Variants in PABPC1 observed in about 807,000 individuals in gnomAD.
PABPC1 encodes poly(A) binding protein cytoplasmic 1.
Under a neutral mutation model 74.0 loss-of-function variants are expected in PABPC1, and 4 were observed. That is an observed-to-expected ratio of 0.05 (90% CI 0.03 to 0.12). PABPC1 has a LOEUF of 0.12. Ranked by LOEUF, PABPC1 falls within the 10% of genes least tolerant of loss-of-function variation. PABPC1 has a pLI of 1.00. For missense variants in PABPC1, 271 were observed against 821.1 expected (o/e 0.33, Z 8.19); for synonymous variants, 227 against 264.1 (o/e 0.86, Z 1.36).
chr8:100,715,148 CACACACACACAT>C (rs747777387), intron 4 of PABPC1, among the ~76,000 whole-genome samples: 1,244 of 86,164 alleles, frequency 0.014, 8 homozygotes, highest in Middle Eastern at 0.046. Flanking sequence ...CACACACACA[CACACACACACAT>C]ATATATCTCC....
chr8:100,714,091 T>G (rs1810600981), intron 4 of PABPC1, among the ~76,000 whole-genome samples: 1 of 152,198 alleles, frequency 6.6e-6, no homozygotes, highest in Admixed American at 6.5e-5. Flanking sequence ...CACATTTGAT[T>G]ACAGAAATTT....
At chr8:100,715,371 A>G in intron 4 of PABPC1, 91 bp downstream of exon 4, 1 of 1,163,712 alleles carries the variant, frequency 8.6e-7, no homozygotes, top group Non-Finnish European at 1.2e-6. Context: ...GTCTAATTTT[A>G]TTGACTTTTT....
intron 4 of PABPC1, among the ~76,000 whole-genome samples, chr8:100,713,630 C>T (rs1365584318): frequency 6.6e-6 from 1 of 152,164 alleles, no homozygotes; most frequent in African/African-American, 2.4e-5. Flanking sequence ...TCTGGGACTA[C>T]TGGCCCACAT....
At chr8:100,710,180 C>T (rs891693058) in intron 7 of PABPC1, among the ~76,000 whole-genome samples, 9 of 152,072 alleles carry the variant, frequency 5.9e-5, no homozygotes, top group Admixed American at 3.9e-4. Flanking sequence ...TCTTACAATA[C>T]CCACATCTTA....
intron 1 of PABPC1, among the ~76,000 whole-genome samples, chr8:100,720,867 C>T (rs975106064): frequency 6.6e-6 from 1 of 152,202 alleles, no homozygotes; most frequent in Non-Finnish European, 1.5e-5. Flanking sequence ...GGCCTGGTGG[C>T]TCCCCCAGGC....
rs1810282417 is a variant in PABPC1, at chr8:100,703,028, C to T, written c.*333G>A. 1.3e-5 allele frequency: 2 copies of T among 157,408 alleles called. No individual in the cohort carries two copies. The highest frequency in any genetic ancestry group is 2.9e-5 in the Non-Finnish European group (2 of 68,090). 9.8% of individuals were successfully genotyped at this position (157,408 alleles called of 1,614,324 possible). On this transcript the variant is annotated 3_prime_UTR_variant, in exon 15 of 15. Coordinates refer to ENST00000318607, the MANE Select transcript of PABPC1 (RefSeq NM_002568.4). ...AGAACTGACATTCTGAGCTATTCCA[C>T]AGTAAAGAATTACAAAATTAAAGAA...
Position 100,705,050 on chromosome 8 carries a change from C to T in PABPC1, c.1694G>A (p.Arg565Gln), listed in dbSNP as rs775589884. 1.9e-6 allele frequency: 3 copies of T among 1,612,850 alleles called. No homozygotes were observed. Among genetic ancestry groups the T allele is most frequent in the African/African-American group, 1.3e-5 (1 of 74,832 alleles). The change falls in exon 13 of 15, where the codon CGG becomes CAG. Residue 565 changes from arginine (R) to glutamine (Q), a missense_variant. Transcript: ENST00000318607. Reference protein sequence around the residue: ...PQEQKQMLGERLFPLIQAMHP... With the variant: ...PQEQKQMLGEQLFPLIQAMHP... ...CATGGCTTGAATAAGAGGAAACAGC[C>T]GTTCACCTAGGAACAGAAACATTCA...
chr8:100,712,981 G>T, intron 5 of PABPC1, 106 bp downstream of exon 5: 1 of 1,038,548 alleles, frequency 9.6e-7, no homozygotes, highest in Non-Finnish European at 1.4e-6. Context: ...GCAAATAACT[G>T]AAAATATAAG....
At position 100,704,915 on chromosome 8, in the gene PABPC1, A is replaced by C; in HGVS notation, c.1818+11T>G. The C allele has an allele frequency of 6.2e-7, 1 of 1,608,814 alleles. No individual in the cohort carries two copies. The highest frequency in any genetic ancestry group is 8.5e-7 in the Non-Finnish European group (1 of 1,177,894). On this transcript the variant is annotated intron_variant, in intron 13 of 14. Coordinates refer to ENST00000318607, the MANE Select transcript of PABPC1 (RefSeq NM_002568.4). ...GTGTAAGAGGCAACTTGGTAAATAA[A>C]TTTAAATCACCTTAGAACGGAGTGA... is the stretch of plus-strand genomic sequence containing the variant.
At chr8:100,715,150 CACACACACAT>C (rs1307780146) in intron 4 of PABPC1, among the ~76,000 whole-genome samples, 1,946 of 84,690 alleles carry the variant, frequency 0.023, 32 homozygotes, top group African/African-American at 0.05. Context: ...CACACACACA[CACACACACAT>C]ATATATCTCC....
intron 3 of PABPC1, among the ~76,000 whole-genome samples, chr8:100,716,969 CT>C (rs894344868): frequency 2.6e-5 from 4 of 152,154 alleles, no homozygotes; most frequent in South Asian, 4.1e-4. Flanking sequence ...GTTGGGCTTG[CT>C]TTTTTTTCCT....
intron 9 of PABPC1, among the ~76,000 whole-genome samples, chr8:100,707,903 C>T (rs2129686871): frequency 6.6e-6 from 1 of 152,352 alleles, no homozygotes; most frequent in South Asian, 2.1e-4. Context: ...ACCAAGGAGC[C>T]CTTTGGTGGC....
chr8:100,715,156 CACATAT>C (rs1273253961), intron 4 of PABPC1, among the ~76,000 whole-genome samples: 35 of 76,694 alleles, frequency 4.6e-4, no homozygotes, highest in African/African-American at 1.4e-3. Flanking sequence ...CACACACACA[CACATAT>C]ATATCTCCAG....
chr8:100,719,868 T>C (rs138304625), intron 1 of PABPC1, among the ~76,000 whole-genome samples: 1 of 152,226 alleles, frequency 6.6e-6, no homozygotes, highest in Non-Finnish European at 1.5e-5. Flanking sequence ...CATTGATACA[T>C]CCTGCCTAAG....
chr8:100,703,734 G>C (rs987613215), intron 14 of PABPC1, among the ~76,000 whole-genome samples: 1 of 152,146 alleles, frequency 6.6e-6, no homozygotes, highest in African/African-American at 2.4e-5. Context: ...ACCTGTGACA[G>C]GTCATTTTAT....
chr8:100,704,922 T>A lies in PABPC1; in HGVS notation c.1818+4A>T, dbSNP rs763597187. The A allele has an allele frequency of 1.2e-6, 2 of 1,606,098 alleles. No individual in the cohort carries two copies. The highest frequency in any genetic ancestry group is 4.5e-5 in the East Asian group (2 of 44,722). ...AGGCAACTTGGTAAATAAATTTAAA[T>A]CACCTTAGAACGGAGTGACTCTGGA... On this transcript the variant is annotated splice_donor_region_variant and intron_variant, in intron 13 of 14. Coordinates refer to ENST00000318607, the MANE Select transcript of PABPC1 (RefSeq NM_002568.4).
rs748114182 is a variant in PABPC1, at chr8:100,721,362, CCCGGCCGA to C, written c.193+21_193+28del. 15 of 1,391,624 alleles carry C rather than the reference CCCGGCCGA, an allele frequency of 1.1e-5. No homozygotes were observed. Among genetic ancestry groups the C allele is most frequent in the South Asian group, 3.3e-5 (2 of 60,188 alleles). 86.2% of individuals were successfully genotyped at this position (1,391,624 alleles called of 1,614,324 possible). ...CCCGAGCCTCATGGCCGCCCGCCCG[CCCGGCCGA>C]CCGCGGAGCCCGGCGCTCACCGTCC... On this transcript the variant is annotated intron_variant, in intron 1 of 14. Coordinates refer to ENST00000318607, the MANE Select transcript of PABPC1 (RefSeq NM_002568.4). The surrounding 1 kb of genome is among the most constrained non-coding windows in gnomAD (Gnocchi z 7.4).
In PABPC1 at chr8:100,715,132, CACACACACACACACACACACACACACAT is replaced by C. The variant is rs1486493603; in HGVS notation, c.643+302_643+329del. On this transcript the variant is annotated intron_variant, in intron 4 of 14. Coordinates refer to ENST00000318607, the MANE Select transcript of PABPC1 (RefSeq NM_002568.4). ...CATGGGATCTCTAATTACACACACA[CACACACACACACACACACACACACACAT>C]ATATATCTCCAGCCTCTTAATGTAG... Among the ~76,000 whole-genome samples, 5 of 127,518 alleles carry C rather than the reference CACACACACACACACACACACACACACAT, an allele frequency of 3.9e-5. No homozygotes were observed. The East Asian group carries it at 1.1e-3, about 29-fold the overall frequency. 83.7% of individuals were successfully genotyped at this position (127,518 alleles called of 152,430 possible). A position where few individuals can be genotyped will look rare whatever the true frequency, so the allele number is the denominator to read the frequency against.
At chr8:100,706,236 G>A (rs1403976537) in intron 11 of PABPC1, among the ~76,000 whole-genome samples, 1 of 152,236 alleles carries the variant, frequency 6.6e-6, no homozygotes, top group African/African-American at 2.4e-5. Flanking sequence ...AAAAGCGTAA[G>A]ACATTTTACA....
Sources: allele counts gnomAD v4.1 joint callset (sites outside exome capture counted in the v4.1 genomes callset), GRCh38; gene constraint gnomAD v4.1.1; non-coding constraint Gnocchi (gnomAD v3.1); transcripts MANE v1.5; gene names NCBI Gene and HGNC (gene_info 2026-07-23, HGNC 2026-07-21).